TSPAN8: variants seen among roughly 807,000 people sequenced by gnomAD.
TSPAN8 encodes tetraspanin 8, also known as tetraspanin-8.
In TSPAN8, 21 loss-of-function variants were observed where a neutral mutation model predicts 32.8. The observed-to-expected ratio is 0.64, with a 90% CI of 0.45 to 0.92. TSPAN8 has a LOEUF of 0.92. TSPAN8 is among the 40% of genes least tolerant of loss of function. The pLI is 0.00. For missense variants in TSPAN8, 269 were observed against 281.9 expected (o/e 0.95, Z 0.33); for synonymous variants, 95 against 94.6 (o/e 1.00, Z -0.03).
chr12:71,146,953 T>C (rs1393456159), intron 2 of TSPAN8, among the ~76,000 whole-genome samples: 1 of 152,144 alleles, frequency 6.6e-6, no homozygotes, highest in East Asian at 1.9e-4. Context: ...GGTGACCTTA[T>C]AGGAGATAAA....
At chr12:71,153,636 A>T (rs1276713895) in intron 2 of TSPAN8, among the ~76,000 whole-genome samples, 1 of 152,262 alleles carries the variant, frequency 6.6e-6, no homozygotes, top group East Asian at 1.9e-4. Context: ...ACTTAAGTAA[A>T]CATTAGGAAT....
intron 2 of TSPAN8, among the ~76,000 whole-genome samples, chr12:71,148,131 G>A (rs1300473660): frequency 6.6e-6 from 1 of 152,118 alleles, no homozygotes; most frequent in African/African-American, 2.4e-5. Flanking sequence ...ATTTAGACAT[G>A]TGACTTCTTT....
intron 3 of TSPAN8, among the ~76,000 whole-genome samples, chr12:71,141,324 T>TA (rs1316191800): frequency 6.6e-6 from 1 of 152,198 alleles, no homozygotes; most frequent in Non-Finnish European, 1.5e-5. Context: ...ATATTAGAGC[T>TA]AAAAAATCAG....
Position 71,138,147 on chromosome 12 carries a change from T to A in TSPAN8, c.336+9A>T. On this transcript the variant is annotated intron_variant, in intron 5 of 8. Transcript: ENST00000247829. ...CTTCTTCAAAATTTTCAAACATCTG[T>A]GCACACACCTTAGATTTGAAAACAG... is the stretch of plus-strand genomic sequence containing the variant. 1 of 1,613,990 alleles carries A rather than the reference T, an allele frequency of 6.2e-7. No homozygotes were observed. Among genetic ancestry groups the A allele is most frequent in the South Asian group, 1.1e-5 (1 of 91,080 alleles).
chr12:71,155,893 G>A (rs553291472), intron 2 of TSPAN8, among the ~76,000 whole-genome samples: 6 of 151,870 alleles, frequency 4.0e-5, no homozygotes, highest in East Asian at 1.9e-4. Context: ...CACCATGCCC[G>A]GCTAATTTTT....
intron 2 of TSPAN8, 85 bp from the exon 3 acceptor site, chr12:71,144,298 C>G (rs1163916209): frequency 1.6e-6 from 2 of 1,233,012 alleles, no homozygotes; most frequent in Non-Finnish European, 1.1e-6. Flanking sequence ...TATCCGGTGA[C>G]AGTAGTTCAT....
At chr12:71,146,920 T>C (rs1872095172) in intron 2 of TSPAN8, among the ~76,000 whole-genome samples, 1 of 152,114 alleles carries the variant, frequency 6.6e-6, no homozygotes, top group Non-Finnish European at 1.5e-5. Flanking sequence ...GTCATGAAGA[T>C]GGGGTTATAA....
At chr12:71,153,084 C>A (rs1008728628) in intron 2 of TSPAN8, among the ~76,000 whole-genome samples, 4 of 152,240 alleles carry the variant, frequency 2.6e-5, no homozygotes, top group East Asian at 1.9e-4. Flanking sequence ...TAAGAACTGG[C>A]CTCTCTATAG....
chr12:71,126,269 T>C (rs1025453451), intron 8 of TSPAN8, among the ~76,000 whole-genome samples: 1 of 152,228 alleles, frequency 6.6e-6, no homozygotes, highest in African/African-American at 2.4e-5. Flanking sequence ...CTAACCAATC[T>C]TTCTTCCTTC....
At chr12:71,144,116 A>C (rs1040795900) in intron 3 of TSPAN8, 35 bp downstream of exon 3, 15 of 1,581,156 alleles carry the variant, frequency 9.5e-6, no homozygotes, top group Admixed American at 8.8e-5. Flanking sequence ...AATAAACTAC[A>C]TTGGGGAAAG....
intron 7 of TSPAN8, 94 bp from the exon 8 acceptor site, chr12:71,129,508 T>C: frequency 1.6e-6 from 2 of 1,278,814 alleles, no homozygotes; most frequent in Non-Finnish European, 2.1e-6. Flanking sequence ...CTTTTTACAT[T>C]GCTATCAAGA....
At chr12:71,150,759 G>A (rs1872227006) in intron 2 of TSPAN8, among the ~76,000 whole-genome samples, 2 of 152,036 alleles carry the variant, frequency 1.3e-5, no homozygotes, top group Admixed American at 6.5e-5. Flanking sequence ...TGAATCATGC[G>A]GGTGGTTCCC....
At position 71,157,934 on chromosome 12, in the gene TSPAN8, T is replaced by G. The variant is rs1872499627; in HGVS notation, c.-114A>C. The G allele has an allele frequency of 2.2e-6, 1 of 451,244 alleles. No homozygotes were observed. Among genetic ancestry groups the G allele is most frequent in the South Asian group, 4.3e-5 (1 of 23,200 alleles). 28.0% of individuals were successfully genotyped at this position (451,244 alleles called of 1,614,324 possible). Reference sequence around the variant, plus strand: ...TCTCAAAGGCTATTAACTCACACATTTAAATATCGCAAAGGCTATCTCCAG... The same window carrying G: ...TCTCAAAGGCTATTAACTCACACATGTAAATATCGCAAAGGCTATCTCCAG... On this transcript the variant is annotated 5_prime_UTR_variant, in exon 1 of 9. It removes the in-frame stop codon of an upstream open reading frame in the 5' UTR. Coordinates refer to ENST00000247829, the MANE Select transcript of TSPAN8 (RefSeq NM_004616.3).
intron 7 of TSPAN8, among the ~76,000 whole-genome samples, chr12:71,130,802 T>C (rs4142883): frequency 0.39 from 59,370 of 152,002 alleles, 12,656 homozygotes; most frequent in East Asian, 0.57. Flanking sequence ...TCTTCCTCTT[T>C]GCCTAAGATA....
At chr12:71,150,939 A>G (rs1321504998) in intron 2 of TSPAN8, among the ~76,000 whole-genome samples, 1 of 152,130 alleles carries the variant, frequency 6.6e-6, no homozygotes, top group Non-Finnish European at 1.5e-5. Context: ...CTGTGAGTCT[A>G]TTAAACCTCT....
chr12:71,125,890 T>C (rs1215440523), intron 8 of TSPAN8, among the ~76,000 whole-genome samples: 1 of 152,070 alleles, frequency 6.6e-6, no homozygotes, highest in Non-Finnish European at 1.5e-5. Context: ...AGTAACTCTT[T>C]TTTTAAAAAA....
chr12:71,139,103 T>A (rs750908060), intron 4 of TSPAN8: 580 of 456,054 alleles, frequency 1.3e-3, no homozygotes, highest in Non-Finnish European at 1.5e-3. Context: ...ATTTAAACTT[T>A]TTTTTTAGCA....
chr12:71,151,066 A>AT (rs60574643), intron 2 of TSPAN8, among the ~76,000 whole-genome samples: 14,245 of 140,936 alleles, frequency 0.1, 1,324 homozygotes, highest in East Asian at 0.37. Context: ...CGTGCATCTT[A>AT]TTTTTTTTTT....
At chr12:71,133,830 A>G (rs964991250) in intron 6 of TSPAN8, among the ~76,000 whole-genome samples, 1 of 152,194 alleles carries the variant, frequency 6.6e-6, no homozygotes, top group African/African-American at 2.4e-5. Flanking sequence ...GATGGGAGAA[A>G]GAAAGATAAT....
Sources: gnomAD v4.1 joint callset for allele counts (sites outside exome capture counted in the v4.1 genomes callset) on GRCh38, gnomAD v4.1.1 for gene constraint, MANE v1.5 for transcripts, NCBI Gene and HGNC (gene_info 2026-07-23, HGNC 2026-07-21) for gene names.